The following UGCG variants were observed in gnomAD, a reference collection of about 807,000 sequenced individuals.
UGCG encodes the protein ceramide glucosyltransferase.
UGCG carries 10 observed loss-of-function variants against 49.5 expected under a neutral mutation model. That is an observed-to-expected ratio of 0.20 (90% CI 0.12 to 0.34). The LOEUF (loss-of-function observed/expected upper bound fraction) is 0.34, where lower values mean the gene tolerates loss of function less well. Among genes scored for constraint, UGCG ranks in the 10% least tolerant of loss-of-function variants. The probability of loss-of-function intolerance (pLI) is 1.00; values close to 1 mark genes in which losing one functional copy is unlikely to be tolerated. For missense variants in UGCG, 312 were observed against 483.7 expected, an observed-to-expected ratio of 0.65 and a Z score of 3.33; for synonymous variants, 182 against 158.2, an observed-to-expected ratio of 1.15 and a Z score of -1.13.
At chr9:111,924,912 A>C (rs577661152) in intron 4 of UGCG, 34 bp downstream of exon 4, 44 of 1,267,828 alleles carry the variant, frequency 3.5e-5, no homozygotes, top group Non-Finnish European at 4.3e-5. Context: ...TTATAAAACT[A>C]TTAATTTGAA....
intron 4 of UGCG, among the ~76,000 whole-genome samples, chr9:111,925,211 C>T (rs1336362817): frequency 1.3e-5 from 2 of 152,072 alleles, no homozygotes; most frequent in Admixed American, 6.6e-5. Flanking sequence ...TAATGTGTTT[C>T]GGCTTGCGTA....
chr9:111,897,937 A>T (rs1837695756), intron 1 of UGCG, among the ~76,000 whole-genome samples: 1 of 144,742 alleles, frequency 6.9e-6, no homozygotes, highest in East Asian at 2.0e-4. Context: ...GTAGATTTGT[A>T]CTCTCCCCGT....
chr9:111,918,032 T>C (rs1838141472), intron 2 of UGCG, among the ~76,000 whole-genome samples: 2 of 152,200 alleles, frequency 1.3e-5, no homozygotes, highest in Admixed American at 1.3e-4. Flanking sequence ...TTTTTTGCAA[T>C]TATAGAATTG....
At chr9:111,926,010 G>A (rs1007100054) in intron 4 of UGCG, among the ~76,000 whole-genome samples, 19 of 152,196 alleles carry the variant, frequency 1.2e-4, no homozygotes, top group African/African-American at 3.9e-4. Context: ...GGAGAGTAGA[G>A]AAGCCAGCAC....
intron 5 of UGCG, among the ~76,000 whole-genome samples, chr9:111,928,661 G>A (rs995163412): frequency 2.0e-5 from 3 of 152,168 alleles, no homozygotes; most frequent in Non-Finnish European, 4.4e-5. Flanking sequence ...TAGGTAGCAA[G>A]AATCATAATC....
At chr9:111,909,633 C>T (rs1001766494) in intron 1 of UGCG, among the ~76,000 whole-genome samples, 2 of 152,158 alleles carry the variant, frequency 1.3e-5, no homozygotes, top group African/African-American at 2.4e-5. Context: ...AGTGTACATT[C>T]GGGGCTGTAA....
At chr9:111,924,068 G>A (rs191050386) in intron 3 of UGCG, among the ~76,000 whole-genome samples, 20 of 152,282 alleles carry the variant, frequency 1.3e-4, no homozygotes, top group African/African-American at 2.2e-4. Flanking sequence ...GATTACAGGC[G>A]TGAGCCCATG....
intron 5 of UGCG, among the ~76,000 whole-genome samples, chr9:111,927,482 C>T (rs538608628): frequency 1.3e-5 from 2 of 151,160 alleles, no homozygotes; most frequent in South Asian, 2.1e-4. Flanking sequence ...GATGGAGTCT[C>T]GCTCTGTCGC....
chr9:111,921,881 G>A (rs1256099436), intron 2 of UGCG, among the ~76,000 whole-genome samples: 1 of 129,812 alleles, frequency 7.7e-6, no homozygotes, highest in Non-Finnish European at 1.5e-5. Context: ...CGCAGTCTTC[G>A]GCTCACTGCA....
Position 111,914,657 on chromosome 9 carries a change from C to G in UGCG, c.151C>G (p.Pro51Ala). ...ATDKQPYSKL[P>A]GVSLLKPLKG... The stretch of plus-strand genomic sequence containing the variant: ...TGACAAACAGCCTTATAGCAAGCTC[C>G]CAGGTGTCTCTCTTCTGAAACCACT... The change falls in exon 2 of 9, where the codon CCA becomes GCA. Residue 51 changes from proline to alanine, a missense_variant. By Grantham distance (27) the Pro-to-Ala change is conservative. Coordinates refer to ENST00000374279, the MANE Select transcript of UGCG (RefSeq NM_003358.3). 1 of 1,614,108 alleles carries G rather than the reference C, an allele frequency of 6.2e-7. No homozygotes were observed. The highest frequency in any genetic ancestry group is 8.5e-7 in the Non-Finnish European group (1 of 1,180,006).
chr9:111,908,153 T>C (rs887923485), intron 1 of UGCG, among the ~76,000 whole-genome samples: 3 of 152,170 alleles, frequency 2.0e-5, no homozygotes, highest in African/African-American at 7.2e-5. Flanking sequence ...GAGTCAGTGC[T>C]GCACACTAGT....
chr9:111,907,371 G>C (rs991077239), intron 1 of UGCG, among the ~76,000 whole-genome samples: 2 of 152,172 alleles, frequency 1.3e-5, no homozygotes, highest in Non-Finnish European at 2.9e-5. Flanking sequence ...CCCAGAGCCT[G>C]AAAATGTGAA....
intron 1 of UGCG, among the ~76,000 whole-genome samples, chr9:111,907,202 CAA>C (rs1199540710): frequency 3.9e-5 from 6 of 152,174 alleles, no homozygotes; most frequent in African/African-American, 1.2e-4. Context: ...TCTCTTCTCT[CAA>C]AGTGTTCCAA....
intron 3 of UGCG, among the ~76,000 whole-genome samples, chr9:111,924,239 T>A (rs1374384467): frequency 4.6e-5 from 7 of 152,238 alleles, no homozygotes; most frequent in Admixed American, 3.9e-4. Flanking sequence ...GTATATATTT[T>A]TGGTGTACAG....
chr9:111,899,124 G>A (rs1323402074), intron 1 of UGCG, among the ~76,000 whole-genome samples: 3 of 152,144 alleles, frequency 2.0e-5, no homozygotes, highest in Middle Eastern at 3.2e-3. Context: ...GGATGTTTAG[G>A]TTGTTTCCAA....
intron 4 of UGCG, among the ~76,000 whole-genome samples, chr9:111,925,862 C>T (rs542632704): frequency 6.6e-6 from 1 of 152,300 alleles, no homozygotes; most frequent in South Asian, 2.1e-4. Flanking sequence ...AGATGATGTT[C>T]ATTCTTCATA....
chr9:111,924,906 A>G, intron 4 of UGCG, 28 bp downstream of exon 4: 4 of 1,300,876 alleles, frequency 3.1e-6, no homozygotes, highest in Non-Finnish European at 4.1e-6. Flanking sequence ...TTTATTTTAT[A>G]AAACTATTAA....
At chr9:111,922,028 C>T (rs1218741091) in intron 2 of UGCG, among the ~76,000 whole-genome samples, 1 of 151,480 alleles carries the variant, frequency 6.6e-6, no homozygotes, top group Non-Finnish European at 1.5e-5. Flanking sequence ...GCCCAGGCTC[C>T]TCTCGAGCAC....
chr9:111,897,364 G>T, intron 1 of UGCG, 51 bp downstream of exon 1: 1 of 1,446,622 alleles, frequency 6.9e-7, no homozygotes, highest in Non-Finnish European at 9.4e-7. Flanking sequence ...GGGCCTCGGA[G>T]ACAGGCGAGA....
Sources: allele counts gnomAD v4.1 joint callset (sites outside exome capture counted in the v4.1 genomes callset), GRCh38; gene constraint gnomAD v4.1.1; transcripts MANE v1.5; gene names NCBI Gene and HGNC (gene_info 2026-07-23, HGNC 2026-07-21).